The following FBXL18 variants were observed in gnomAD, a reference collection of about 807,000 sequenced individuals.
FBXL18 encodes F-box and leucine rich repeat protein 18, also known as F-box/LRR-repeat protein 18.
A neutral mutation model predicts 46.0 loss-of-function variants in FBXL18; 36 were observed. The ratio of observed to expected loss-of-function variants is 0.78; its 90% CI spans 0.60 to 1.03. FBXL18 has a LOEUF of 1.03. Ranked by LOEUF, FBXL18 falls within the 50% of genes least tolerant of loss-of-function variation. The pLI, the probability that FBXL18 is intolerant of heterozygous loss-of-function variation, is 0.00. For missense variants in FBXL18, 977 were observed against 1,004.1 expected (o/e 0.97, Z 0.36); for synonymous variants, 557 against 465.3 (o/e 1.20, Z -2.54).
chr7:5,499,745 G>GAA (rs1205205121), intron 3 of FBXL18, among the ~76,000 whole-genome samples: 22 of 115,780 alleles, frequency 1.9e-4, no homozygotes, highest in African/African-American at 7.2e-4. Context: ...AAAAAAAAAA[G>GAA]AAAAAAAAAA....
At chr7:5,511,286 A>C (rs966648663) in intron 1 of FBXL18, among the ~76,000 whole-genome samples, 3 of 151,330 alleles carry the variant, frequency 2.0e-5, no homozygotes, top group African/African-American at 7.3e-5. Context: ...AATACAAAAA[A>C]ATTAGCCAGG....
intron 4 of FBXL18, among the ~76,000 whole-genome samples, chr7:5,491,009 G>C (rs1213872686): frequency 6.6e-6 from 1 of 152,194 alleles, no homozygotes; most frequent in African/African-American, 2.4e-5. Context: ...TGGGAGAGGA[G>C]AGCTTGAACT....
chr7:5,494,361 G>A (rs1784017645), intron 3 of FBXL18, among the ~76,000 whole-genome samples: 1 of 152,068 alleles, frequency 6.6e-6, no homozygotes, highest in Non-Finnish European at 1.5e-5. Context: ...ATTGCTTGGA[G>A]GCAGAGGATG....
At chr7:5,491,512 C>T (rs1016823023) in intron 3 of FBXL18, 63 bp from the exon 4 acceptor site, 172 of 1,397,178 alleles carry the variant, frequency 1.2e-4, no homozygotes, top group Non-Finnish European at 1.4e-4. Context: ...GCCAGCTGGG[C>T]GTCTGGAGGT....
At chr7:5,456,211 C>T (rs1783171058) in intron 4 of FBXL18, among the ~76,000 whole-genome samples, 1 of 152,214 alleles carries the variant, frequency 6.6e-6, no homozygotes, top group Non-Finnish European at 1.5e-5. Context: ...GCTCCCATCC[C>T]TGGTCCTTTA....
intron 1 of FBXL18, among the ~76,000 whole-genome samples, chr7:5,511,605 CA>C (rs202136455): frequency 1.4e-3 from 183 of 134,630 alleles, no homozygotes; most frequent in East Asian, 1.3e-3. Context: ...AACTCCGTCT[CA>C]AAAAAAAAAA....
intron 2 of FBXL18, among the ~76,000 whole-genome samples, chr7:5,503,665 AT>A (rs1318644151): frequency 6.6e-6 from 1 of 152,038 alleles, no homozygotes; most frequent in Non-Finnish European, 1.5e-5. Flanking sequence ...CGGCCAAAAA[AT>A]TAAATTAAAA....
chr7:5,483,612 T>G (rs932384816), intron 4 of FBXL18, among the ~76,000 whole-genome samples: 2 of 150,328 alleles, frequency 1.3e-5, no homozygotes, highest in Admixed American at 1.3e-4. Context: ...GGCATGGTGG[T>G]GCATGCCTGT....
At chr7:5,497,401 C>T (rs942572665) in intron 3 of FBXL18, among the ~76,000 whole-genome samples, 9 of 152,090 alleles carry the variant, frequency 5.9e-5, no homozygotes, top group African/African-American at 1.7e-4. Context: ...AGAATCAAAG[C>T]GGCCGATCCA....
intron 4 of FBXL18, among the ~76,000 whole-genome samples, chr7:5,465,597 A>C (rs1783329939): frequency 6.6e-6 from 1 of 151,836 alleles, no homozygotes; most frequent in Non-Finnish European, 1.5e-5. Context: ...ACCTCACACC[A>C]CTGCACTCCA....
chr7:5,488,370 C>T (rs1019269906), intron 4 of FBXL18, among the ~76,000 whole-genome samples: 1 of 152,226 alleles, frequency 6.6e-6, no homozygotes, highest in African/African-American at 2.4e-5. Context: ...AAAGCAGGCT[C>T]ATCGGAGCAG....
chr7:5,498,800 T>C (rs943413936), intron 3 of FBXL18, among the ~76,000 whole-genome samples: 12 of 152,100 alleles, frequency 7.9e-5, no homozygotes, highest in African/African-American at 2.9e-4. Context: ...TTCCAACTCC[T>C]GACCTTAGAT....
At chr7:5,472,155 G>C (rs1160093873), downstream of FBXL18, among the ~76,000 whole-genome samples, 2 of 152,026 alleles carry the variant, frequency 1.3e-5, no homozygotes, top group Non-Finnish European at 1.5e-5. Context: ...CCCCAGACCT[G>C]GGCTGAAGCC....
chr7:5,476,486 G>A lies in FBXL18; in HGVS notation c.*5289C>T, dbSNP rs1035999912. On this transcript the variant is annotated 3_prime_UTR_variant, in exon 5 of 5. Coordinates refer to ENST00000382368, the MANE Select transcript of FBXL18 (RefSeq NM_024963.6). ...CTGCTTTTTGTTGTTTGTTTTCTGA[G>A]ACAGGGTATTGCTCCGTGGCCCAGA... The A allele has an allele frequency of 6.6e-6, 1 of 152,242 alleles. No individual in the cohort carries two copies. The highest frequency in any genetic ancestry group is 1.5e-5 in the Non-Finnish European group (1 of 68,110). The allele number at this position is 152,242 out of a possible 1,614,324, so 9.4% of individuals were successfully genotyped here. A position where few individuals can be genotyped will look rare whatever the true frequency, so the allele number is the denominator to read the frequency against.
At chr7:5,468,167 T>TA (rs1783372098) in intron 4 of FBXL18, among the ~76,000 whole-genome samples, 1 of 152,110 alleles carries the variant, frequency 6.6e-6, no homozygotes, top group Non-Finnish European at 1.5e-5. Context: ...GTATTTTTAG[T>TA]AGAGACGGGG....
rs1456234235 is a variant in FBXL18, at chr7:5,477,992, C to T, written c.*3783G>A. 6.6e-6 allele frequency: 1 copy of T among 152,420 alleles called. No individual in the cohort carries two copies. The highest frequency in any genetic ancestry group is 1.5e-5 in the Non-Finnish European group (1 of 68,190). 9.4% of individuals were successfully genotyped at this position (152,420 alleles called of 1,614,324 possible). A position where few individuals can be genotyped will look rare whatever the true frequency, so the allele number is the denominator to read the frequency against. ...TCCAGGCCCACGCCTGAGCCCAGCC[C>T]CGGTCCCCTGGGTCCAACGGCCTGT... On this transcript the variant is annotated 3_prime_UTR_variant, in exon 5 of 5. Coordinates refer to ENST00000382368, the MANE Select transcript of FBXL18 (RefSeq NM_024963.6). This position sits in a 1 kb window ranked among gnomAD's most constrained non-coding sequence, Gnocchi z 4.4.
intron 1 of FBXL18, among the ~76,000 whole-genome samples, chr7:5,510,301 T>TC: frequency 1.5e-5 from 1 of 66,878 alleles, no homozygotes; most frequent in South Asian, 5.2e-4. Context: ...AGACTCTGTC[T>TC]CAAAAAAAAA....
rs750093868 is a variant in FBXL18, at chr7:5,500,565, C to T, written c.1704G>A (p.Leu568=). The T allele has an allele frequency of 6.2e-7, 1 of 1,613,478 alleles. No homozygotes were observed. The highest frequency in any genetic ancestry group is 8.5e-7 in the Non-Finnish European group (1 of 1,179,904). Residue 568 remains leucine (L), a synonymous_variant, in exon 3 of 5, where the codon CTG becomes CTA. Coordinates refer to ENST00000382368, the MANE Select transcript of FBXL18 (RefSeq NM_024963.6). The part of the protein sequence containing the change: ...QQLRSLSLAN[L]GMMGKVVYMP... ...TGTACACCACCTTCCCCATCATGCCCAGGTTGGCCAGCGACAGGGACCGCA... is the reference window on the plus strand; with the variant it reads ...TGTACACCACCTTCCCCATCATGCCTAGGTTGGCCAGCGACAGGGACCGCA...
intron 1 of FBXL18, among the ~76,000 whole-genome samples, chr7:5,511,946 A>G (rs1237593852): frequency 6.6e-6 from 1 of 151,690 alleles, no homozygotes; most frequent in Non-Finnish European, 1.5e-5. Flanking sequence ...AAATAAAAAT[A>G]AAGAATGGGC....
Sources: allele counts gnomAD v4.1 joint callset (sites outside exome capture counted in the v4.1 genomes callset), GRCh38; gene constraint gnomAD v4.1.1; non-coding constraint Gnocchi (gnomAD v3.1); transcripts MANE v1.5; gene names NCBI Gene and HGNC (gene_info 2026-07-23, HGNC 2026-07-21).